SRRM4: variants seen among roughly 807,000 people sequenced by gnomAD.
SRRM4 encodes the protein serine/arginine repetitive matrix 4, also known as serine/arginine repetitive matrix protein 4.
Under a neutral mutation model 68.9 loss-of-function variants are expected in SRRM4, and 33 were observed. The observed-to-expected ratio is 0.48, with a 90% CI of 0.36 to 0.64. The LOEUF (loss-of-function observed/expected upper bound fraction) is 0.64. Among genes scored for constraint, SRRM4 ranks in the 30% least tolerant of loss-of-function variants. SRRM4 has a pLI of 0.00. For missense variants in SRRM4, 817 were observed against 827.1 expected (o/e 0.99, Z 0.15); for synonymous variants, 318 against 318.8 (o/e 1.00, Z 0.03).
rs189906471 is a variant in SRRM4 at position 119,135,555 on chromosome 12, C to T, written c.771+4721C>T. 9.5e-4 allele frequency among the ~76,000 whole-genome samples: 144 copies of T among 152,304 alleles called. 1 individual carries two copies. The highest frequency in any genetic ancestry group is 4.8e-3 in the Admixed American group (73 of 15,300). On this transcript the variant is annotated intron_variant, in intron 8 of 12. Coordinates refer to ENST00000267260, the MANE Select transcript of SRRM4 (RefSeq NM_194286.4). ...GGGCACCCTGGAGTTCTTGATCTCT[C>T]CCTGTGAGACCCTAGGTGACAGCAA...
chr12:119,129,699 C>T (rs1283396648), intron 7 of SRRM4, among the ~76,000 whole-genome samples: 1 of 152,116 alleles, frequency 6.6e-6, no homozygotes, highest in Non-Finnish European at 1.5e-5. Flanking sequence ...AAAGCAGTTC[C>T]AGGTACATGA....
rs946800137 is a variant in SRRM4, at chr12:119,042,125, A to G, written c.132-60111A>G. Among the ~76,000 whole-genome samples the G allele has an allele frequency of 2.4e-4, 36 of 152,180 alleles. 1 individual carries two copies. Among genetic ancestry groups the G allele is most frequent in the Admixed American group, 2.4e-3 (36 of 15,276 alleles). On this transcript the variant is annotated intron_variant, in intron 1 of 12. Coordinates refer to ENST00000267260, the MANE Select transcript of SRRM4 (RefSeq NM_194286.4). The stretch of plus-strand genomic sequence containing the variant: ...AAGACTTTCCCAAGAACACGCAGTC[A>G]GTGGCAGAGCTAGGAACAAGAACTC...
rs140252459 is a variant in SRRM4, at chr12:119,059,421, GC to G, written c.132-42813del. On this transcript the variant is annotated intron_variant, in intron 1 of 12. Transcript: ENST00000267260. ...GGCACATTTATCAAGGACTTGGGGA[GC>G]CAGAGGAAGCTTACAGAGGAAGTAC... is the stretch of plus-strand genomic sequence containing the variant. Among the ~76,000 whole-genome samples, 37 of 152,256 alleles carry G rather than the reference GC, an allele frequency of 2.4e-4. No homozygotes were observed. The East Asian group carries it at 6.4e-3, about 26-fold the overall frequency.
At chr12:119,101,051 T>C (rs565229766) in intron 1 of SRRM4, among the ~76,000 whole-genome samples, 1 of 152,278 alleles carries the variant, frequency 6.6e-6, no homozygotes, top group African/African-American at 2.4e-5. Context: ...CTTGCTCTCT[T>C]AGAAGCCCTA....
At chr12:119,069,742 T>G (rs1953866338) in intron 1 of SRRM4, 1 of 152,174 alleles carries the variant, frequency 6.6e-6, no homozygotes, top group African/African-American at 2.4e-5. Context: ...GAGGCCACCT[T>G]ATTTCTTAGA....
intron 8 of SRRM4, among the ~76,000 whole-genome samples, chr12:119,141,957 C>G (rs868023579): frequency 5.9e-5 from 9 of 152,120 alleles, no homozygotes; most frequent in Admixed American, 5.9e-4. Context: ...GATAGGACAC[C>G]TGGAGGATGA....
At chr12:119,032,073 T>A (rs1486124055) in intron 1 of SRRM4, among the ~76,000 whole-genome samples, 1 of 152,218 alleles carries the variant, frequency 6.6e-6, no homozygotes, top group Non-Finnish European at 1.5e-5. Context: ...GTTTCATTAT[T>A]TATCTTTAAC....
At chr12:119,050,083 C>T (rs1953732864) in intron 1 of SRRM4, among the ~76,000 whole-genome samples, 1 of 152,128 alleles carries the variant, frequency 6.6e-6, no homozygotes, top group Admixed American at 6.5e-5. Flanking sequence ...CATCTAGGAG[C>T]TCTCTTGTCT....
rs1954511946 is a variant in SRRM4, at chr12:119,161,234, C to T, written c.*4436C>T. ...CGCATGTGTCTTGCCCCACTTTCCC[C>T]TTTAGCTGAACAGAAAATTTTGTCT... On this transcript the variant is annotated 3_prime_UTR_variant, in exon 13 of 13. Coordinates refer to ENST00000267260, the MANE Select transcript of SRRM4 (RefSeq NM_194286.4). The T allele has an allele frequency of 6.6e-6, 1 of 152,206 alleles. No individual in the cohort carries two copies. Among genetic ancestry groups the T allele is most frequent in the African/African-American group, 2.4e-5 (1 of 41,436 alleles). The allele number at this position is 152,206 out of a possible 1,614,324, so 9.4% of individuals were successfully genotyped here.
intron 1 of SRRM4, among the ~76,000 whole-genome samples, chr12:119,053,994 C>T (rs1477111906): frequency 6.6e-6 from 1 of 152,082 alleles, no homozygotes; most frequent in East Asian, 1.9e-4. Context: ...TTTCTATTTT[C>T]TTTACCCATA....
At chr12:119,132,211 G>C (rs1452700600) in intron 8 of SRRM4, 4 of 152,060 alleles carry the variant, frequency 2.6e-5, no homozygotes, top group African/African-American at 9.7e-5. Context: ...ATCCAAAAAG[G>C]GGTCTTCCCA....
intron 2 of SRRM4, among the ~76,000 whole-genome samples, chr12:119,109,136 G>T (rs1045552715): frequency 2.0e-5 from 3 of 152,128 alleles, no homozygotes; most frequent in Admixed American, 2.0e-4. Flanking sequence ...CTTTAAGAAT[G>T]TTGAATATTG....
chr12:119,010,642 G>A (rs949959103), intron 1 of SRRM4, among the ~76,000 whole-genome samples: 4 of 152,156 alleles, frequency 2.6e-5, no homozygotes, highest in African/African-American at 9.7e-5. Context: ...TGATATTTCA[G>A]CATTTATCAA....
In SRRM4 at chr12:119,158,762, A is replaced by G. The variant is rs554738024; in HGVS notation, c.*1964A>G. ...AGACAAAGGCTTCCCAGAGCCACCA[A>G]AAACCTTCTTAGCAGGACAGCTGTG... On this transcript the variant is annotated 3_prime_UTR_variant, in exon 13 of 13. Transcript: ENST00000267260. The G allele has an allele frequency of 3.3e-5, 5 of 152,784 alleles. No individual in the cohort carries two copies. The East Asian group carries it at 9.7e-4, about 30-fold the overall frequency. 9.5% of individuals were successfully genotyped at this position (152,784 alleles called of 1,614,324 possible). A position where few individuals can be genotyped will look rare whatever the true frequency, so the allele number is the denominator to read the frequency against.
At chr12:118,998,875 T>C (rs1278079653) in intron 1 of SRRM4, among the ~76,000 whole-genome samples, 1 of 152,244 alleles carries the variant, frequency 6.6e-6, no homozygotes, top group African/African-American at 2.4e-5. Context: ...ACACAGGTGA[T>C]GCCCAATTCA....
At chr12:119,083,968 G>A (rs1953964895) in intron 1 of SRRM4, among the ~76,000 whole-genome samples, 1 of 152,202 alleles carries the variant, frequency 6.6e-6, no homozygotes, top group Non-Finnish European at 1.5e-5. Context: ...TTTATGTCCT[G>A]CAAAGCATCA....
At position 119,160,543 on chromosome 12, in the gene SRRM4, T is replaced by G. The variant is rs1954506664; in HGVS notation, c.*3745T>G. ...TTATCTCAAAAACCAACATCCAAAA[T>G]GGGAGGGAGATGTGGCTTGAGGTCA... is the stretch of plus-strand genomic sequence containing the variant. On this transcript the variant is annotated 3_prime_UTR_variant, in exon 13 of 13. Transcript: ENST00000267260. 6.6e-6 allele frequency: 1 copy of G among 152,166 alleles called. No homozygotes were observed. The highest frequency in any genetic ancestry group is 2.4e-5 in the African/African-American group (1 of 41,430). The allele number at this position is 152,166 out of a possible 1,614,324, so 9.4% of individuals were successfully genotyped here.
In SRRM4 at chr12:119,092,324, C is replaced by A. The variant is rs529060941; in HGVS notation, c.132-9912C>A. On this transcript the variant is annotated intron_variant, in intron 1 of 12. Transcript: ENST00000267260. ...TCAAACGCATTTCCCTAGCTCTGAT[C>A]TCTTCTCTGAACTCCAGGCTCATGT... is the stretch of plus-strand genomic sequence containing the variant. Among the ~76,000 whole-genome samples the A allele has an allele frequency of 9.2e-5, 14 of 152,308 alleles. No homozygotes were observed. In the South Asian group the frequency reaches 2.9e-3, roughly 32 times the overall value.
In SRRM4 at chr12:119,030,592, T is replaced by A. The variant is rs187128363; in HGVS notation, c.131+48579T>A. Among the ~76,000 whole-genome samples the A allele has an allele frequency of 1.8e-3, 278 of 152,344 alleles. 2 individuals carry two copies. Among genetic ancestry groups the A allele is most frequent in the Middle Eastern group, 3.4e-3 (1 of 294 alleles). ...TTGAAGGTAAACATTATTCACTTTT[T>A]ATTGGTATATCTGCAGTCTTTTTCT... On this transcript the variant is annotated intron_variant, in intron 1 of 12. Transcript: ENST00000267260.
Sources: gnomAD v4.1 joint callset for allele counts (sites outside exome capture counted in the v4.1 genomes callset) on GRCh38, gnomAD v4.1.1 for gene constraint, MANE v1.5 for transcripts, NCBI Gene and HGNC (gene_info 2026-07-23, HGNC 2026-07-21) for gene names.